Variants in KLHL1 observed in about 807,000 individuals in gnomAD.
The protein encoded by KLHL1 is kelch like family member 1.
Under a neutral mutation model 77.7 loss-of-function variants are expected in KLHL1, and 47 were observed. The ratio of observed to expected loss-of-function variants is 0.60; its 90% CI spans 0.48 to 0.77. The LOEUF (loss-of-function observed/expected upper bound fraction) is 0.77, where lower values mean the gene tolerates loss of function less well. KLHL1 is among the 30% of genes least tolerant of loss of function. The pLI is 0.00. For missense variants in KLHL1, 925 were observed against 910.8 expected, an observed-to-expected ratio of 1.02 and a Z score of -0.20; for synonymous variants, 360 against 325.2, an observed-to-expected ratio of 1.11 and a Z score of -1.15.
intron 2 of KLHL1, among the ~76,000 whole-genome samples, chr13:69,973,711 C>T (rs1884462520): frequency 6.6e-6 from 1 of 152,004 alleles, no homozygotes; most frequent in African/African-American, 2.4e-5. Context: ...TGATTCACAA[C>T]AATGCTTGTT....
intron 5 of KLHL1, among the ~76,000 whole-genome samples, chr13:69,854,390 T>C (rs191138471): frequency 1.1e-3 from 166 of 152,000 alleles, no homozygotes; most frequent in African/African-American, 3.9e-3. Flanking sequence ...CATCCAGCTC[T>C]CCCAGGAAAG....
chr13:69,833,308 C>CTTAAGAACATAATA (rs1271487645), intron 6 of KLHL1, among the ~76,000 whole-genome samples: 3 of 151,842 alleles, frequency 2.0e-5, no homozygotes, highest in Non-Finnish European at 4.4e-5. Flanking sequence ...CATGAATGGA[C>CTTAAGAACATAATA]AATTTTCAAA....
At chr13:69,979,455 T>C (rs1281802575) in intron 1 of KLHL1, among the ~76,000 whole-genome samples, 1 of 152,104 alleles carries the variant, frequency 6.6e-6, no homozygotes, top group Non-Finnish European at 1.5e-5. Flanking sequence ...TTTAAGATAA[T>C]ATTTATTATT....
chr13:69,824,226 G>T (rs1878456648), intron 6 of KLHL1, among the ~76,000 whole-genome samples: 1 of 151,934 alleles, frequency 6.6e-6, no homozygotes, highest in Non-Finnish European at 1.5e-5. Flanking sequence ...TTTCCCGAAA[G>T]TCCAGGTTGT....
intron 4 of KLHL1, among the ~76,000 whole-genome samples, chr13:69,898,744 G>A (rs1366712880): frequency 6.6e-6 from 1 of 152,160 alleles, no homozygotes; most frequent in Non-Finnish European, 1.5e-5. Context: ...ATAATACCTA[G>A]TGCCATTGCC....
At chr13:70,014,779 C>G (rs1260572071) in intron 1 of KLHL1, among the ~76,000 whole-genome samples, 1 of 151,998 alleles carries the variant, frequency 6.6e-6, no homozygotes, top group Non-Finnish European at 1.5e-5. Flanking sequence ...AGGGATGAAA[C>G]ATAGTAGACT....
intron 4 of KLHL1, among the ~76,000 whole-genome samples, chr13:69,916,740 T>C (rs1458240578): frequency 6.6e-6 from 1 of 150,838 alleles, no homozygotes; most frequent in Non-Finnish European, 1.5e-5. Flanking sequence ...TAAAGTATAA[T>C]AAAAATAATA....
At chr13:69,751,362 GAA>G (rs1874471709) in intron 7 of KLHL1, among the ~76,000 whole-genome samples, 1 of 151,936 alleles carries the variant, frequency 6.6e-6, no homozygotes, top group Non-Finnish European at 1.5e-5. Flanking sequence ...GATATGAAGG[GAA>G]AAGACAGGAC....
In KLHL1 at chr13:69,700,848, A is replaced by G. The variant is rs1875357564; in HGVS notation, c.*854T>C. 6.6e-6 allele frequency: 1 copy of G among 152,400 alleles called. No homozygotes were observed. The highest frequency in any genetic ancestry group is 2.1e-4 in the South Asian group (1 of 4,838). 9.4% of individuals were successfully genotyped at this position (152,400 alleles called of 1,614,324 possible). A position where few individuals can be genotyped will look rare whatever the true frequency, so the allele number is the denominator to read the frequency against. ...TCTTTTGAAATTCTAAGTTTGTTTA[A>G]GAACAAAATTCTAAAGGAGTTCAAC... On this transcript the variant is annotated 3_prime_UTR_variant, in exon 11 of 11. Transcript: ENST00000377844.
chr13:69,719,439 GA>G lies in KLHL1; in HGVS notation c.1944del (p.Leu649PhefsTer4). 1 of 1,613,522 alleles carries G rather than the reference GA, an allele frequency of 6.2e-7. No individual in the cohort carries two copies. The highest frequency in any genetic ancestry group is 1.1e-5 in the South Asian group (1 of 91,074). On this transcript the variant is annotated frameshift_variant, in exon 9 of 11. Transcript: ENST00000377844. LOFTEE classifies it high-confidence loss of function. Reference sequence around the variant, plus strand: ...GCATCATGACCTCCTACTGCATAAAGAAAACCGTCACATGTGGCCACTCCGA... The same window carrying G: ...GCATCATGACCTCCTACTGCATAAAGAAACCGTCACATGTGGCCACTCCGA... The part of the protein sequence containing the change: ...GGVGVATCDG[F>X]LYAVGGHDAP...
intron 4 of KLHL1, among the ~76,000 whole-genome samples, chr13:69,899,156 A>G (rs371783643): frequency 7.2e-5 from 11 of 152,098 alleles, no homozygotes; most frequent in African/African-American, 2.4e-4. Context: ...TTTATTGGAT[A>G]TCTTTGAATT....
intron 4 of KLHL1, among the ~76,000 whole-genome samples, chr13:69,887,717 A>G (rs1008537078): frequency 2.6e-5 from 4 of 152,116 alleles, no homozygotes; most frequent in Non-Finnish European, 5.9e-5. Context: ...CCTCATCAGG[A>G]TGGCCTTTAC....
chr13:69,943,814 A>G (rs180844019), intron 3 of KLHL1, among the ~76,000 whole-genome samples: 2 of 152,300 alleles, frequency 1.3e-5, no homozygotes, highest in Non-Finnish European at 2.9e-5. Context: ...TTTTACCTAA[A>G]TTGTTCAGTA....
intron 2 of KLHL1, among the ~76,000 whole-genome samples, chr13:69,968,311 G>T (rs1202675338): frequency 8.3e-6 from 1 of 121,108 alleles, no homozygotes; most frequent in Admixed American, 8.5e-5. Flanking sequence ...TAGACCTATG[G>T]TATCATGTAA....
intron 7 of KLHL1, among the ~76,000 whole-genome samples, chr13:69,770,445 T>A (rs1441965183): frequency 3.9e-5 from 6 of 152,142 alleles, no homozygotes; most frequent in Admixed American, 3.9e-4. Flanking sequence ...TGTTAAGGAG[T>A]TTATAGTTTC....
chr13:70,019,299 G>A (rs1885731999), intron 1 of KLHL1, among the ~76,000 whole-genome samples: 1 of 152,104 alleles, frequency 6.6e-6, no homozygotes, highest in South Asian at 2.1e-4. Flanking sequence ...TGGGGAGATG[G>A]ACTAATAGGA....
intron 6 of KLHL1, among the ~76,000 whole-genome samples, chr13:69,807,348 C>G (rs1877659643): frequency 6.6e-6 from 1 of 152,030 alleles, no homozygotes; most frequent in Non-Finnish European, 1.5e-5. Context: ...GCAGCAGCTG[C>G]TGCCTAGCCA....
intron 6 of KLHL1, among the ~76,000 whole-genome samples, chr13:69,833,799 CTATA>C (rs34158219): frequency 4.1e-4 from 60 of 144,786 alleles, no homozygotes; most frequent in African/African-American, 1.4e-3. Context: ...TTGTTGTGTT[CTATA>C]TATATATATA....
chr13:70,028,353 A>G (rs1391397720), intron 1 of KLHL1, among the ~76,000 whole-genome samples: 1 of 152,190 alleles, frequency 6.6e-6, no homozygotes, highest in African/African-American at 2.4e-5. Flanking sequence ...CAGTATATAT[A>G]TAGACAGAGG....
Sources: gnomAD v4.1 joint callset for allele counts (sites outside exome capture counted in the v4.1 genomes callset) on GRCh38, gnomAD v4.1.1 for gene constraint, MANE v1.5 for transcripts, NCBI Gene and HGNC (gene_info 2026-07-23, HGNC 2026-07-21) for gene names.